Variants in RIC8B observed in about 807,000 individuals in gnomAD.
RIC8B encodes RIC8 guanine nucleotide exchange factor B.
A neutral mutation model predicts 57.5 loss-of-function variants in RIC8B; 16 were observed. That is an observed-to-expected ratio of 0.28 (90% CI 0.19 to 0.42). The LOEUF is 0.42. RIC8B is among the 10% of genes least tolerant of loss of function. The probability of loss-of-function intolerance (pLI) is 1.00; values close to 1 mark genes in which losing one functional copy is unlikely to be tolerated. For missense variants in RIC8B, 481 were observed against 677.0 expected, an observed-to-expected ratio of 0.71 and a Z score of 3.21; for synonymous variants, 216 against 250.8, an observed-to-expected ratio of 0.86 and a Z score of 1.31.
chr12:106,810,725 A>G lies in RIC8B; in HGVS notation c.133-3971A>G, dbSNP rs541535675. Among the ~76,000 whole-genome samples, 6 of 152,368 alleles carry G rather than the reference A, an allele frequency of 3.9e-5. No homozygotes were observed. The South Asian group carries it at 8.3e-4, about 21-fold the overall frequency. On this transcript the variant is annotated intron_variant, in intron 2 of 9. Coordinates refer to ENST00000392837, the MANE Select transcript of RIC8B (RefSeq NM_001330145.2). The stretch of plus-strand genomic sequence containing the variant: ...CTAAAGAGGAAAATTTGATAAGAAT[A>G]GTATGAAAGAAGACTCAGAGCAGGT...
Position 106,888,149 on chromosome 12 carries a change from G to C in RIC8B, c.*2134G>C, listed in dbSNP as rs1951256219. The C allele has an allele frequency of 6.6e-6, 1 of 152,422 alleles. No individual in the cohort carries two copies. Among genetic ancestry groups the C allele is most frequent in the African/African-American group, 2.4e-5 (1 of 41,432 alleles). The allele number at this position is 152,422 out of a possible 1,614,324, so 9.4% of individuals were successfully genotyped here. A position where few individuals can be genotyped will look rare whatever the true frequency, so the allele number is the denominator to read the frequency against. ...TAAATGAAGATGTGTTTAATGAAAT[G>C]CCATCTTACCAGCTTTCTTTATGCA... On this transcript the variant is annotated 3_prime_UTR_variant, in exon 10 of 10. Coordinates refer to ENST00000392837, the MANE Select transcript of RIC8B (RefSeq NM_001330145.2).
intron 4 of RIC8B, 21 bp from the exon 5 acceptor site, chr12:106,842,568 A>G (rs752478686): frequency 6.3e-7 from 1 of 1,575,054 alleles, no homozygotes; most frequent in South Asian, 1.1e-5. Context: ...AAAATATTGT[A>G]TTTTTTTAAT....
intron 2 of RIC8B, among the ~76,000 whole-genome samples, chr12:106,797,586 C>T (rs1202397959): frequency 1.3e-5 from 2 of 152,124 alleles, no homozygotes; most frequent in Non-Finnish European, 2.9e-5. Context: ...AGGGTGGTTG[C>T]ACAAGTGTGA....
At chr12:106,871,511 C>T (rs1297655720) in intron 9 of RIC8B, 3 of 145,072 alleles carry the variant, frequency 2.1e-5, no homozygotes, top group African/African-American at 5.2e-5. Flanking sequence ...AAAAAACTCC[C>T]CTTCCCCTCT....
chr12:106,863,072 A>G (rs1158110507), intron 8 of RIC8B, among the ~76,000 whole-genome samples: 1 of 152,132 alleles, frequency 6.6e-6, no homozygotes, highest in East Asian at 1.9e-4. Context: ...GCCTCTGAGA[A>G]TGGAGGTCCC....
rs1950817144 is a variant in RIC8B at position 106,879,389 on chromosome 12, T to G, written c.1572-6515T>G. On this transcript the variant is annotated intron_variant, in intron 9 of 9. Coordinates refer to ENST00000392837, the MANE Select transcript of RIC8B (RefSeq NM_001330145.2). This position sits in a 1 kb window ranked among gnomAD's most constrained non-coding sequence, Gnocchi z 4.9. Reference sequence around the variant, plus strand: ...AACCCCAATTTTGCACTGTCATTTTTGGGGGAAAGAGTCATATAGGAACCA... The same window carrying G: ...AACCCCAATTTTGCACTGTCATTTTGGGGGGAAAGAGTCATATAGGAACCA... 1 of 985,284 alleles carries G rather than the reference T, an allele frequency of 1.0e-6. No homozygotes were observed. The highest frequency in any genetic ancestry group is 1.2e-6 in the Non-Finnish European group (1 of 829,896). The allele number at this position is 985,284 out of a possible 1,614,324, so 61.0% of individuals were successfully genotyped here. A position where few individuals can be genotyped will look rare whatever the true frequency, so the allele number is the denominator to read the frequency against.
intron 1 of RIC8B, among the ~76,000 whole-genome samples, chr12:106,778,643 T>C (rs559756523): frequency 2.0e-4 from 30 of 152,316 alleles, no homozygotes; most frequent in African/African-American, 7.2e-4. Flanking sequence ...AGGCTCAAGG[T>C]CACATAGCTA....
At chr12:106,865,797 G>A (rs1246085998) in intron 8 of RIC8B, among the ~76,000 whole-genome samples, 2 of 152,034 alleles carry the variant, frequency 1.3e-5, no homozygotes, top group African/African-American at 4.8e-5. Context: ...AGACGTCCTC[G>A]CAGTGGTATA....
rs200841161 is a variant in RIC8B at position 106,864,986 on chromosome 12, CAA to C, written c.1451+4576_1451+4577del. On this transcript the variant is annotated intron_variant, in intron 8 of 9. Transcript: ENST00000392837. ...GATTCGTTCATGTTGTGGCACATGTCAAAGTTTCAGCTGAATAATATTCCATG... is the reference window on the plus strand; with the variant it reads ...GATTCGTTCATGTTGTGGCACATGTCAGTTTCAGCTGAATAATATTCCATG... Among the ~76,000 whole-genome samples the C allele has an allele frequency of 8.3e-3, 1,257 of 152,222 alleles. 19 individuals are homozygous for C. The highest frequency in any genetic ancestry group is 0.029 in the African/African-American group (1,187 of 41,526).
intron 7 of RIC8B, among the ~76,000 whole-genome samples, chr12:106,855,409 T>C (rs2136490162): frequency 8.5e-6 from 1 of 118,252 alleles, no homozygotes; most frequent in Middle Eastern, 4.4e-3. Context: ...TATATCACTG[T>C]CCTTCACTGC....
chr12:106,814,711 A>G lies in RIC8B; in HGVS notation c.148A>G (p.Ile50Val), dbSNP rs747952081. The G allele has an allele frequency of 1.3e-6, 2 of 1,595,216 alleles. No individual in the cohort carries two copies. The highest frequency in any genetic ancestry group is 1.1e-5 in the South Asian group (1 of 87,644). ...EDKRKKLCEG[I>V]FKVLIKDIPT... ...TGTTTTTCAGAAACTCTGTGAAGGC[A>G]TATTTAAAGTCCTTATAAAGGACAT... The change falls in exon 3 of 10, where the codon ATA becomes GTA. Residue 50 changes from isoleucine (I) to valine (V), a missense_variant. Ile to Val is a conservative substitution (Grantham distance 29). Around this residue, in one of 3 missense-constraint regions of RIC8B, gnomAD observed 421 missense variants for 560.9 expected, o/e 0.75. Transcript: ENST00000392837.
At chr12:106,874,597 C>G in intron 9 of RIC8B, 1 of 1,479,064 alleles carries the variant, frequency 6.8e-7, no homozygotes, top group Non-Finnish European at 9.2e-7. Flanking sequence ...GTTACTGAGC[C>G]TGGTGTAGGG....
At chr12:106,832,438 G>T (rs2046392033) in intron 4 of RIC8B, among the ~76,000 whole-genome samples, 2 of 152,076 alleles carry the variant, frequency 1.3e-5, no homozygotes, top group South Asian at 4.2e-4. Flanking sequence ...CGGGTGGTGG[G>T]CACCTGTAGT....
At chr12:106,775,013 A>G (rs572034601) in intron 1 of RIC8B, 184 bp downstream of exon 1, 2 of 581,066 alleles carry the variant, frequency 3.4e-6, no homozygotes, top group East Asian at 2.9e-5. Context: ...CCTGCATCCC[A>G]CTACCCCCAC....
chr12:106,782,045 T>TTTAATTAAATTAAAAATAAAAA (rs1334838283), intron 1 of RIC8B, among the ~76,000 whole-genome samples: 29 of 152,242 alleles, frequency 1.9e-4, no homozygotes, highest in African/African-American at 7.0e-4. Flanking sequence ...TTATTATCTA[T>TTTAATTAAATTAAAAATAAAAA]TTAAAAAAAA....
chr12:106,881,431 ATTC>A (rs1418947996), intron 9 of RIC8B, among the ~76,000 whole-genome samples: 1 of 151,116 alleles, frequency 6.6e-6, no homozygotes, highest in East Asian at 1.9e-4. Context: ...TGCTTGACTA[ATTC>A]TTCTGCTTCT....
intron 2 of RIC8B, among the ~76,000 whole-genome samples, chr12:106,799,234 T>A (rs2044620224): frequency 6.6e-6 from 1 of 152,236 alleles, no homozygotes; most frequent in South Asian, 2.1e-4. Flanking sequence ...AACAAAAATA[T>A]TTCTAGCAAT....
intron 4 of RIC8B, among the ~76,000 whole-genome samples, chr12:106,834,684 T>G (rs1251608064): frequency 6.6e-6 from 1 of 152,048 alleles, no homozygotes; most frequent in African/African-American, 2.4e-5. Context: ...ATAAAAATAA[T>G]AAAAATAAAA....
intron 1 of RIC8B, among the ~76,000 whole-genome samples, chr12:106,781,047 G>A (rs781735575): frequency 1.3e-5 from 2 of 152,202 alleles, no homozygotes; most frequent in Non-Finnish European, 2.9e-5. Context: ...GAAACCTGTA[G>A]TGAGAGTCCT....
Sources: allele counts gnomAD v4.1 joint callset (sites outside exome capture counted in the v4.1 genomes callset), GRCh38; gene constraint gnomAD v4.1.1; regional missense constraint gnomAD v4.1.1; non-coding constraint Gnocchi (gnomAD v3.1); transcripts MANE v1.5; gene names NCBI Gene and HGNC (gene_info 2026-07-23, HGNC 2026-07-21).